OSBPL10: variants seen among roughly 807,000 people sequenced by gnomAD.
The protein encoded by OSBPL10 is oxysterol-binding protein-related protein 10.
In OSBPL10, 49 loss-of-function variants were observed where a neutral mutation model predicts 81.7. The ratio of observed to expected loss-of-function variants is 0.60; its 90% confidence interval spans 0.48 to 0.76. OSBPL10 has a LOEUF of 0.76. Ranked by LOEUF, OSBPL10 falls within the 30% of genes least tolerant of loss-of-function variation. The pLI is 0.00. For missense variants in OSBPL10, 923 were observed against 987.8 expected, an observed-to-expected ratio of 0.93 and a Z score of 0.88; for synonymous variants, 419 against 383.6, an observed-to-expected ratio of 1.09 and a Z score of -1.08.
At chr3:31,871,919 C>T (rs1214628089) in intron 3 of OSBPL10, among the ~76,000 whole-genome samples, 2 of 152,198 alleles carry the variant, frequency 1.3e-5, no homozygotes, top group Non-Finnish European at 2.9e-5. Flanking sequence ...TCTTGCATTT[C>T]TTGCATTTAA....
At chr3:31,749,935 C>G (rs112184656) in intron 4 of OSBPL10, among the ~76,000 whole-genome samples, 98 of 152,134 alleles carry the variant, frequency 6.4e-4, no homozygotes, top group African/African-American at 2.3e-3. Flanking sequence ...AATCCCAACA[C>G]TTTGGGAGGC....
chr3:31,835,076 G>C (rs757180844), intron 3 of OSBPL10, among the ~76,000 whole-genome samples: 21 of 152,118 alleles, frequency 1.4e-4, no homozygotes, highest in Non-Finnish European at 2.6e-4. Context: ...GTTGTTAAGT[G>C]GTTCCTGAAT....
At chr3:31,819,737 C>CT (rs1222595230) in intron 4 of OSBPL10, among the ~76,000 whole-genome samples, 1 of 152,180 alleles carries the variant, frequency 6.6e-6, no homozygotes, top group Non-Finnish European at 1.5e-5. Context: ...TCATGATGGT[C>CT]TTTTTTGCTG....
intron 7 of OSBPL10, among the ~76,000 whole-genome samples, chr3:31,695,764 C>T (rs959025913): frequency 6.6e-6 from 1 of 152,130 alleles, no homozygotes; most frequent in African/African-American, 2.4e-5. Flanking sequence ...CTACTTGTTC[C>T]CTGTCTTCTC....
intron 1 of OSBPL10, among the ~76,000 whole-genome samples, chr3:31,881,203 G>A (rs532829993): frequency 2.4e-4 from 36 of 152,276 alleles, no homozygotes; most frequent in African/African-American, 8.4e-4. Flanking sequence ...ACACTCTGCG[G>A]AAGTGGAAAG....
chr3:31,662,891 C>T (rs897853412), intron 11 of OSBPL10: 2 of 985,442 alleles, frequency 2.0e-6, no homozygotes, highest in African/African-American at 1.7e-5. Flanking sequence ...AAGGTTTTAC[C>T]TCACCTGGGC....
chr3:31,880,599 T>C (rs1013508635), intron 1 of OSBPL10, among the ~76,000 whole-genome samples: 1 of 152,230 alleles, frequency 6.6e-6, no homozygotes, highest in Non-Finnish European at 1.5e-5. Flanking sequence ...AGCCTCAGAT[T>C]CTTACTGTGG....
intron 2 of OSBPL10, among the ~76,000 whole-genome samples, chr3:31,995,553 T>C (rs1439978626): frequency 6.6e-6 from 1 of 152,200 alleles, no homozygotes; most frequent in East Asian, 1.9e-4. Context: ...GTGCACTGAC[T>C]TCATATTGTT....
At chr3:31,710,353 T>C (rs960019099) in intron 6 of OSBPL10, among the ~76,000 whole-genome samples, 27 of 152,202 alleles carry the variant, frequency 1.8e-4, no homozygotes, top group African/African-American at 6.0e-4. Context: ...CACAGTGGTA[T>C]GTTGACTTGA....
chr3:31,809,440 G>C (rs763468543), intron 4 of OSBPL10, among the ~76,000 whole-genome samples: 2 of 152,208 alleles, frequency 1.3e-5, no homozygotes, highest in Non-Finnish European at 2.9e-5. Context: ...AAACACTTCA[G>C]CTGGATAACT....
chr3:31,712,052 C>T (rs1024677101), intron 6 of OSBPL10, among the ~76,000 whole-genome samples: 2 of 152,014 alleles, frequency 1.3e-5, no homozygotes, highest in South Asian at 4.2e-4. Flanking sequence ...AGGGGACAGT[C>T]CAACAGAAGA....
intron 4 of OSBPL10, among the ~76,000 whole-genome samples, chr3:31,780,023 T>C (rs942149107): frequency 6.6e-6 from 1 of 152,218 alleles, no homozygotes; most frequent in Non-Finnish European, 1.5e-5. Context: ...CCAGGTGTGG[T>C]GGCTCACGCC....
chr3:31,752,379 T>C (rs11710822), intron 4 of OSBPL10, among the ~76,000 whole-genome samples: 65,572 of 151,744 alleles, frequency 0.43, 14,408 homozygotes, highest in East Asian at 0.64. Flanking sequence ...TGTTGTAACA[T>C]GGGCACAAAA....
Position 31,809,893 on chromosome 3 carries a change from T to C in OSBPL10, c.729+20147A>G, listed in dbSNP as rs564529579. The stretch of plus-strand genomic sequence containing the variant: ...TCTTTTTTTTTTTTTTTTTTTGAGA[T>C]GGAGTTTTGCTTTTGTTGCCCAGGC... On this transcript the variant is annotated intron_variant, in intron 4 of 11. Transcript: ENST00000396556. Among the ~76,000 whole-genome samples the C allele has an allele frequency of 2.9e-3, 360 of 124,492 alleles. 3 individuals are homozygous for C. Among genetic ancestry groups the C allele is most frequent in the African/African-American group, 9.4e-3 (332 of 35,200 alleles). The allele number at this position is 124,492 out of a possible 152,430, so 81.7% of individuals were successfully genotyped here. A position where few individuals can be genotyped will look rare whatever the true frequency, so the allele number is the denominator to read the frequency against.
intron 9 of OSBPL10, among the ~76,000 whole-genome samples, chr3:31,670,116 G>A (rs1277539503): frequency 6.6e-6 from 1 of 152,134 alleles, no homozygotes; most frequent in Non-Finnish European, 1.5e-5. Flanking sequence ...GGTGTGTGCT[G>A]GCTCCAGGTG....
chr3:31,974,763 A>G (rs543362825), intron 1 of OSBPL10, among the ~76,000 whole-genome samples: 1 of 152,316 alleles, frequency 6.6e-6, no homozygotes, highest in South Asian at 2.1e-4. Flanking sequence ...GGGACAGGGA[A>G]TGTTTTGGCA....
intron 5 of OSBPL10, among the ~76,000 whole-genome samples, chr3:31,743,029 T>C (rs922678111): frequency 1.6e-5 from 2 of 127,622 alleles, no homozygotes; most frequent in East Asian, 2.8e-4. Flanking sequence ...AAAGCTAAAT[T>C]AGTTTTTTTT....
intron 1 of OSBPL10, among the ~76,000 whole-genome samples, chr3:31,913,649 C>T (rs777894964): frequency 2.6e-5 from 4 of 152,170 alleles, no homozygotes; most frequent in Non-Finnish European, 5.9e-5. Context: ...TACTGTAGAC[C>T]ACAGGCTAAC....
intron 1 of OSBPL10, among the ~76,000 whole-genome samples, chr3:31,886,319 A>G (rs769892910): frequency 3.3e-5 from 5 of 152,150 alleles, no homozygotes; most frequent in Non-Finnish European, 7.4e-5. Flanking sequence ...GCTATTACCA[A>G]GAGGGGCTCA....
Sources: allele counts gnomAD v4.1 joint callset (sites outside exome capture counted in the v4.1 genomes callset), GRCh38; gene constraint gnomAD v4.1.1; transcripts MANE v1.5; gene names NCBI Gene and HGNC (gene_info 2026-07-23, HGNC 2026-07-21).